Variants in SCN9A observed in about 807,000 individuals in gnomAD.
The protein encoded by SCN9A is sodium channel protein type 9 subunit alpha.
A neutral mutation model predicts 187.0 loss-of-function variants in SCN9A; 131 were observed. The ratio of observed to expected loss-of-function variants is 0.70; its 90% CI spans 0.61 to 0.81. The LOEUF (loss-of-function observed/expected upper bound fraction) is 0.81, where lower values mean the gene tolerates loss of function less well. SCN9A is among the 30% of genes least tolerant of loss of function. SCN9A has a pLI of 0.00. For synonymous variants in SCN9A, 809 were observed against 808.6 expected, an observed-to-expected ratio of 1.00 and a Z score of -0.01; for missense variants, 2,252 against 2,396.6, an observed-to-expected ratio of 0.94 and a Z score of 1.26.
chr2:166,315,386 C>T (rs1028796791), intron 1 of SCN9A, among the ~76,000 whole-genome samples: 9 of 152,180 alleles, frequency 5.9e-5, no homozygotes, highest in Non-Finnish European at 1.2e-4. Context: ...CTGTCTCCCC[C>T]AACCCCCATG....
chr2:166,284,481 A>G lies in SCN9A; in HGVS notation c.1946T>C (p.Ile649Thr). The G allele has an allele frequency of 6.2e-7, 1 of 1,613,822 alleles. No individual in the cohort carries two copies. The highest frequency in any genetic ancestry group is 8.5e-7 in the Non-Finnish European group (1 of 1,179,880). Residue 649 changes from isoleucine (I) to threonine (T), a missense_variant, in exon 12 of 27, where the codon ATA (isoleucine) becomes ACA (threonine). This residue lies in a region of SCN9A where 1,013 missense variants were observed against 997.4 expected (regional missense o/e 1.02). Transcript: ENST00000642356. ...LPNGQLLPEVIIDKATSDDSG... is the reference protein window; with the variant it reads ...LPNGQLLPEVTIDKATSDDSG... ...GTCATCAGAAGTTGCCTTATCTATTATCACCTCTGGCAGAAGCTGTCCATT... is the reference window on the plus strand; with the variant it reads ...GTCATCAGAAGTTGCCTTATCTATTGTCACCTCTGGCAGAAGCTGTCCATT...
chr2:166,356,221 A>AT (rs1700149520), intron 1 of SCN9A, among the ~76,000 whole-genome samples: 1 of 152,008 alleles, frequency 6.6e-6, no homozygotes, highest in African/African-American at 2.4e-5. Context: ...ACTGTACAAC[A>AT]TTTTTTTATT....
intron 19 of SCN9A, among the ~76,000 whole-genome samples, chr2:166,241,316 G>A (rs1050706824): frequency 6.6e-6 from 1 of 151,982 alleles, no homozygotes; most frequent in African/African-American, 2.4e-5. Flanking sequence ...TTAAGAAAAA[G>A]GTTCAGGTAG....
At chr2:166,358,038 ATT>A (rs1468416624) in intron 1 of SCN9A, among the ~76,000 whole-genome samples, 13 of 26,106 alleles carry the variant, frequency 5.0e-4, no homozygotes, top group African/African-American at 2.9e-3. Flanking sequence ...TAAAACTTTT[ATT>A]TATTTATTTA....
chr2:166,262,092 A>C (rs1696532741), intron 17 of SCN9A, among the ~76,000 whole-genome samples: 2 of 152,030 alleles, frequency 1.3e-5, no homozygotes, highest in Non-Finnish European at 2.9e-5. Context: ...TAGTAGCACT[A>C]AGAACCTCAT....
At chr2:166,286,080 C>T (rs4278943) in intron 11 of SCN9A, among the ~76,000 whole-genome samples, 84,369 of 151,718 alleles carry the variant, frequency 0.56, 24,678 homozygotes, top group African/African-American at 0.75. Flanking sequence ...TTCTCAGGAA[C>T]ATTTTGCTTC....
chr2:166,260,491 C>T (rs1031269053), intron 17 of SCN9A, among the ~76,000 whole-genome samples: 4 of 151,826 alleles, frequency 2.6e-5, no homozygotes, highest in African/African-American at 9.7e-5. Context: ...CCTCAATGGA[C>T]TAGTTTAGTG....
At chr2:166,262,047 T>C (rs1213923108) in intron 17 of SCN9A, among the ~76,000 whole-genome samples, 1 of 151,968 alleles carries the variant, frequency 6.6e-6, no homozygotes, top group African/African-American at 2.4e-5. Flanking sequence ...CACTTGCCAA[T>C]TTCATCAACA....
At chr2:166,205,194 G>C (rs1303158630) in intron 24 of SCN9A, 1 of 152,108 alleles carries the variant, frequency 6.6e-6, no homozygotes, top group Non-Finnish European at 1.5e-5. Context: ...AAAAGAGCCT[G>C]CATAGCCAAG....
intron 20 of SCN9A, among the ~76,000 whole-genome samples, chr2:166,234,725 T>C (rs536106282): frequency 1.3e-5 from 2 of 152,302 alleles, no homozygotes; most frequent in South Asian, 2.1e-4. Flanking sequence ...CTTGAAAATA[T>C]GTATGCTCCC....
intron 1 of SCN9A, among the ~76,000 whole-genome samples, chr2:166,361,630 T>C (rs952616692): frequency 1.3e-5 from 2 of 152,060 alleles, no homozygotes; most frequent in African/African-American, 4.8e-5. Flanking sequence ...TGGAATATCA[T>C]GGGAACCAAA....
At position 166,272,600 on chromosome 2, in the gene SCN9A, G is replaced by T. The variant is rs2106460746; in HGVS notation, c.3150C>A (p.His1050Gln). ...TTTTATCTTTTTCCTTGAGGAAATT[G>T]TGACCTTTGCTCATTTCAGCAAGTG... The part of the protein sequence containing the change: ...NHTLAEMSKG[H>Q]NFLKEKDKIS... Residue 1050 changes from histidine (H) to glutamine (Q), a missense_variant, in exon 17 of 27, where the codon CAC becomes CAA. His to Gln is a conservative substitution (Grantham distance 24, BLOSUM62 0). Coordinates refer to ENST00000642356, the MANE Select transcript of SCN9A (RefSeq NM_001365536.1). 6.2e-7 allele frequency: 1 copy of T among 1,613,432 alleles called. No individual in the cohort carries two copies. Among genetic ancestry groups the T allele is most frequent in the Non-Finnish European group, 8.5e-7 (1 of 1,179,746 alleles).
intron 1 of SCN9A, among the ~76,000 whole-genome samples, chr2:166,353,544 A>G (rs977669507): frequency 6.6e-6 from 1 of 152,158 alleles, no homozygotes; most frequent in Admixed American, 6.5e-5. Context: ...AATTTCCCCA[A>G]AGGTCAGCTA....
chr2:166,201,240 A>G (rs969243837), intron 26 of SCN9A, among the ~76,000 whole-genome samples: 1 of 148,368 alleles, frequency 6.7e-6, no homozygotes, highest in Non-Finnish European at 1.5e-5. Context: ...TACTATATAC[A>G]GTATATAGTA....
chr2:166,311,422 A>C, intron 2 of SCN9A, 77 bp downstream of exon 2: 1 of 1,132,666 alleles, frequency 8.8e-7, no homozygotes, highest in Non-Finnish European at 1.1e-6. Context: ...ACTAAATTTC[A>C]CTAATCTCAA....
intron 17 of SCN9A, among the ~76,000 whole-genome samples, chr2:166,268,221 G>T (rs1471478573): frequency 6.6e-6 from 1 of 151,906 alleles, no homozygotes; most frequent in Admixed American, 6.6e-5. Context: ...TTTGTAAATT[G>T]CTCAAGGTCT....
rs561617690 is a variant in SCN9A at position 166,293,480 on chromosome 2, TGAATAAGGATTAA to T, written c.966-121_966-109del. The T allele has an allele frequency of 6.2e-5, 57 of 920,646 alleles. No individual in the cohort carries two copies. In the African/African-American group the frequency reaches 9.0e-4, roughly 15 times the overall value. The allele number at this position is 920,646 out of a possible 1,614,324, so 57.0% of individuals were successfully genotyped here. Reference sequence around the variant, plus strand: ...GGTTTCTTCTATAGGGGGACAATATTGAATAAGGATTAAGAATACATGATTTGGCTACTGACTA... The same window carrying T: ...GGTTTCTTCTATAGGGGGACAATATTGAATACATGATTTGGCTACTGACTA... On this transcript the variant is annotated intron_variant, in intron 8 of 26. Coordinates refer to ENST00000642356, the MANE Select transcript of SCN9A (RefSeq NM_001365536.1).
intron 1 of SCN9A, among the ~76,000 whole-genome samples, chr2:166,345,770 A>G (rs575695879): frequency 9.1e-4 from 138 of 152,252 alleles, no homozygotes; most frequent in Non-Finnish European, 1.6e-3. Context: ...TTCCGCTACT[A>G]CTACCTCCTC....
chr2:166,358,952 T>A (rs906177793), intron 1 of SCN9A, among the ~76,000 whole-genome samples: 1 of 152,198 alleles, frequency 6.6e-6, no homozygotes, highest in Non-Finnish European at 1.5e-5. Context: ...GGCAAAGCAG[T>A]AATCTGAATT....
Sources: allele counts gnomAD v4.1 joint callset (sites outside exome capture counted in the v4.1 genomes callset), GRCh38; gene constraint gnomAD v4.1.1; regional missense constraint gnomAD v4.1.1; transcripts MANE v1.5; gene names NCBI Gene and HGNC (gene_info 2026-07-23, HGNC 2026-07-21).